The following HAUS3 variants were observed in gnomAD, a reference collection of about 807,000 sequenced individuals.
HAUS3 encodes HAUS augmin like complex subunit 3.
HAUS3 carries 36 observed loss-of-function variants against 55.2 expected under a neutral mutation model. The observed-to-expected ratio is 0.65, with a 90% CI of 0.50 to 0.86. HAUS3 has a LOEUF of 0.86. Among genes scored for constraint, HAUS3 ranks in the 40% least tolerant of loss-of-function variants. The probability of loss-of-function intolerance (pLI) is 0.00; values close to 1 mark genes in which losing one functional copy is unlikely to be tolerated. For synonymous variants in HAUS3, 234 were observed against 238.6 expected, an observed-to-expected ratio of 0.98 and a Z score of 0.18; for missense variants, 752 against 671.5, an observed-to-expected ratio of 1.12 and a Z score of -1.33.
Position 2,241,095 on chromosome 4 carries a change from TA to T in HAUS3, c.-147-3del, listed in dbSNP as rs1410026711. On this transcript the variant is annotated splice_region_variant and splice_polypyrimidine_tract_variant and intron_variant, in intron 2 of 5. Transcript: ENST00000443786. ...TTTTAGAATCTATAATGATTCCTCCTAGGGGGGAAGAAAACAAGTATTAGAC... is the reference window on the plus strand; with the variant it reads ...TTTTAGAATCTATAATGATTCCTCCTGGGGGGAAGAAAACAAGTATTAGAC... 1.8e-5 allele frequency: 11 copies of T among 607,938 alleles called. No homozygotes were observed. Among genetic ancestry groups the T allele is most frequent in the East Asian group, 1.2e-4 (4 of 33,824 alleles). 37.7% of individuals were successfully genotyped at this position (607,938 alleles called of 1,614,324 possible).
Position 2,228,353 on chromosome 4 carries a change from T to C in HAUS3, c.*3574A>G. The C allele has an allele frequency of 4.1e-6, 1 of 245,322 alleles. No individual in the cohort carries two copies. Among genetic ancestry groups the C allele is most frequent in the Non-Finnish European group, 7.9e-6 (1 of 126,864 alleles). 15.2% of individuals were successfully genotyped at this position (245,322 alleles called of 1,614,324 possible). A position where few individuals can be genotyped will look rare whatever the true frequency, so the allele number is the denominator to read the frequency against. On this transcript the variant is annotated 3_prime_UTR_variant, in exon 6 of 6. Transcript: ENST00000443786. ...TGAGCATATCACTGCTTTCACTTTT[T>C]TTTTTTTTTTTTTTTGAGATAGAGT...
chr4:2,228,961 A>C lies in HAUS3; in HGVS notation c.*2966T>G, dbSNP rs1022350722. The C allele has an allele frequency of 9.5e-6, 7 of 733,988 alleles. No individual in the cohort carries two copies. Among genetic ancestry groups the C allele is most frequent in the Non-Finnish European group, 1.5e-5 (7 of 466,794 alleles). 45.5% of individuals were successfully genotyped at this position (733,988 alleles called of 1,614,324 possible). On this transcript the variant is annotated 3_prime_UTR_variant, in exon 6 of 6. Coordinates refer to ENST00000443786, the MANE Select transcript of HAUS3 (RefSeq NM_001303143.2). ...CACGAAAGTTAGCAAGCAGAAGCTC[A>C]GTCTGCACTGAATGAGTGTAAAAGG...
At position 2,241,033 on chromosome 4, in the gene HAUS3, C is replaced by CG. The variant is rs1734968671; in HGVS notation, c.-88dup. On this transcript the variant is annotated 5_prime_UTR_variant, in exon 3 of 6. Transcript: ENST00000443786. ...ATAAATCCAAGCAGAAAAAAAGCTA[C>CG]GTTTTATACCAAGTCCACAGAGAAG... is the stretch of plus-strand genomic sequence containing the variant. The CG allele has an allele frequency of 1.1e-6, 1 of 936,168 alleles. No individual in the cohort carries two copies. Among genetic ancestry groups the CG allele is most frequent in the Non-Finnish European group, 1.6e-6 (1 of 614,178 alleles). 58.0% of individuals were successfully genotyped at this position (936,168 alleles called of 1,614,324 possible).
At chr4:2,235,386 G>A (rs78700169) in intron 5 of HAUS3, among the ~76,000 whole-genome samples, 6,192 of 152,246 alleles carry the variant, frequency 0.041, 459 homozygotes, top group African/African-American at 0.14. Context: ...ACAAGTGTTG[G>A]CAAAGATGTG....
At chr4:2,233,501 T>C (rs1189681444) in intron 5 of HAUS3, among the ~76,000 whole-genome samples, 3 of 152,160 alleles carry the variant, frequency 2.0e-5, no homozygotes, top group Non-Finnish European at 4.4e-5. Flanking sequence ...CATCATATGA[T>C]TGTTTCTGGC....
rs755865463 is a variant in HAUS3 at position 2,240,402 on chromosome 4, T to C, written c.545A>G (p.His182Arg). The stretch of plus-strand genomic sequence containing the variant: ...ATTTGTCCCTTGACCTAAATTAGAA[T>C]GTCTGAAGAACATCATCAATTGTGT... ...EVTQLMMFFR[H>R]SNLGQGTNPL... The change falls in exon 3 of 6, where the codon CAT becomes CGT. Residue 182 changes from histidine to arginine, a missense_variant. Transcript: ENST00000443786. 1 of 1,612,572 alleles carries C rather than the reference T, an allele frequency of 6.2e-7. No homozygotes were observed. The highest frequency in any genetic ancestry group is 1.7e-5 in the Admixed American group (1 of 59,706).
At chr4:2,236,703 C>T (rs1308189118) in intron 4 of HAUS3, among the ~76,000 whole-genome samples, 1 of 149,854 alleles carries the variant, frequency 6.7e-6, no homozygotes, top group Non-Finnish European at 1.5e-5. Context: ...CACTAAAATA[C>T]AAAAAAAAAG....
chr4:2,235,811 A>G (rs2108777880), intron 5 of HAUS3, among the ~76,000 whole-genome samples: 2 of 152,304 alleles, frequency 1.3e-5, no homozygotes, highest in Non-Finnish European at 2.9e-5. Context: ...AAAATAATGA[A>G]CAAATTAAGC....
rs1407114868 is a variant in HAUS3 at position 2,229,310 on chromosome 4, A to G, written c.*2617T>C. The G allele has an allele frequency of 2.4e-6, 3 of 1,275,524 alleles. No homozygotes were observed. Among genetic ancestry groups the G allele is most frequent in the South Asian group, 1.7e-5 (1 of 57,806 alleles). 79.0% of individuals were successfully genotyped at this position (1,275,524 alleles called of 1,614,324 possible). ...CCTAAGACTATAAAACAGGAAATAC[A>G]ATTATTTTCAAAAATTTATATACCA... On this transcript the variant is annotated 3_prime_UTR_variant, in exon 6 of 6. Coordinates refer to ENST00000443786, the MANE Select transcript of HAUS3 (RefSeq NM_001303143.2).
intron 3 of HAUS3, among the ~76,000 whole-genome samples, 157 bp downstream of exon 3, chr4:2,239,881 G>A (rs1243372446): frequency 6.6e-6 from 1 of 152,174 alleles, no homozygotes; most frequent in East Asian, 1.9e-4. Context: ...CTATTTGTAT[G>A]AAACATTGAC....
chr4:2,240,129 T>A lies in HAUS3; in HGVS notation c.818A>T (p.Gln273Leu), dbSNP rs1275561077. Residue 273 changes from glutamine to leucine, a missense_variant, in exon 3 of 6, where the codon CAA becomes CTA. Coordinates refer to ENST00000443786, the MANE Select transcript of HAUS3 (RefSeq NM_001303143.2). ...ARLQLAYICAQHQLIHLKASN... is the reference protein window; with the variant it reads ...ARLQLAYICALHQLIHLKASN... ...TGCTTTTAAGTGAATTAACTGATGT[T>A]GAGCACAAATGTATGCGAGCTGCAG... 2 of 1,613,886 alleles carry A rather than the reference T, an allele frequency of 1.2e-6. No individual in the cohort carries two copies. The highest frequency in any genetic ancestry group is 1.7e-6 in the Non-Finnish European group (2 of 1,179,776).
At chr4:2,235,657 T>C (rs1734734247) in intron 5 of HAUS3, among the ~76,000 whole-genome samples, 1 of 152,222 alleles carries the variant, frequency 6.6e-6, no homozygotes, top group African/African-American at 2.4e-5. Context: ...GATACATACC[T>C]TCAATATACA....
chr4:2,240,169 G>A lies in HAUS3; in HGVS notation c.778C>T (p.Leu260=), dbSNP rs760105688. Residue 260 remains leucine (L), a synonymous_variant, in exon 3 of 6, where the codon CTA becomes TTA. Transcript: ENST00000443786. The stretch of plus-strand genomic sequence containing the variant: ...GCGAGCTGCAGTCTAGCCATCTCTA[G>A]TCGTCTCTCCTCAAGGATTTCTTGA... ...DNQEILEERR[L]EMARLQLAYI... is the part of the protein sequence containing the mutation. 32 of 1,613,870 alleles carry A rather than the reference G, an allele frequency of 2.0e-5. No individual in the cohort carries two copies. Among genetic ancestry groups the A allele is most frequent in the Non-Finnish European group, 2.6e-5 (31 of 1,179,884 alleles).
At chr4:2,232,264 C>A in intron 5 of HAUS3, 104 bp from the exon 6 acceptor site, 1 of 534,196 alleles carries the variant, frequency 1.9e-6, no homozygotes, top group Non-Finnish European at 3.2e-6. Context: ...GACTTAATAA[C>A]TTCCCGCAAT....
chr4:2,234,803 T>C (rs1734700576), intron 5 of HAUS3, among the ~76,000 whole-genome samples: 1 of 152,214 alleles, frequency 6.6e-6, no homozygotes, highest in South Asian at 2.1e-4. Context: ...AGGATAATTA[T>C]TCACTGCAAC....
intron 5 of HAUS3, among the ~76,000 whole-genome samples, chr4:2,235,083 A>C (rs998294003): frequency 1.6e-4 from 24 of 152,132 alleles, no homozygotes; most frequent in Non-Finnish European, 2.8e-4. Context: ...ATGGGGTTTC[A>C]CCACCTTGGC....
chr4:2,239,038 C>T lies in HAUS3; in HGVS notation c.915G>A (p.Val305=). ...ESLHSLTSKA[V]DKENLDAKIS... ...TTTTAGCATCCAAATTTTCTTTGTC[C>T]ACAGCCTATACAAAGAAAAGCAATT... is the stretch of plus-strand genomic sequence containing the variant. The change falls in exon 4 of 6, where the codon GTG becomes GTA. Residue 305 remains valine, a synonymous_variant. Transcript: ENST00000443786. 1 of 1,516,720 alleles carries T rather than the reference C, an allele frequency of 6.6e-7. No individual in the cohort carries two copies. The highest frequency in any genetic ancestry group is 8.8e-7 in the Non-Finnish European group (1 of 1,136,052). 94.0% of individuals were successfully genotyped at this position (1,516,720 alleles called of 1,614,324 possible).
In HAUS3 at chr4:2,228,858, T is replaced by G; in HGVS notation, c.*3069A>C. 1 of 383,808 alleles carries G rather than the reference T, an allele frequency of 2.6e-6. No individual in the cohort carries two copies. Among genetic ancestry groups the G allele is most frequent in the African/African-American group, 2.1e-5 (1 of 47,922 alleles). 23.8% of individuals were successfully genotyped at this position (383,808 alleles called of 1,614,324 possible). On this transcript the variant is annotated 3_prime_UTR_variant, in exon 6 of 6. Coordinates refer to ENST00000443786, the MANE Select transcript of HAUS3 (RefSeq NM_001303143.2). Reference sequence around the variant, plus strand: ...AAATACTAAAATACCTGATCCAGATTCTAAGGGAATGTTTGACAGAAATAC... The same window carrying G: ...AAATACTAAAATACCTGATCCAGATGCTAAGGGAATGTTTGACAGAAATAC...
At chr4:2,233,058 T>C (rs917422352) in intron 5 of HAUS3, among the ~76,000 whole-genome samples, 2 of 152,190 alleles carry the variant, frequency 1.3e-5, no homozygotes, top group Non-Finnish European at 2.9e-5. Context: ...ATGATTCTAA[T>C]GTACAAGTTC....
Sources: allele counts gnomAD v4.1 joint callset (sites outside exome capture counted in the v4.1 genomes callset), GRCh38; gene constraint gnomAD v4.1.1; transcripts MANE v1.5; gene names NCBI Gene and HGNC (gene_info 2026-07-23, HGNC 2026-07-21).